The following RGS17 variants were observed in gnomAD, a reference collection of about 807,000 sequenced individuals.
RGS17 encodes regulator of G protein signaling 17.
A neutral mutation model predicts 25.5 loss-of-function variants in RGS17; 12 were observed. That is an observed-to-expected ratio of 0.47 (90% confidence interval 0.30 to 0.76). The LOEUF is 0.76. Ranked by LOEUF, RGS17 falls within the 30% of genes least tolerant of loss-of-function variation. RGS17 has a pLI of 0.07. For synonymous variants in RGS17, 71 were observed against 76.9 expected (o/e 0.92, Z 0.40); for missense variants, 196 against 242.2 (o/e 0.81, Z 1.27).
chr6:153,067,851 C>A (rs1776732033), intron 1 of RGS17, among the ~76,000 whole-genome samples: 1 of 152,126 alleles, frequency 6.6e-6, no homozygotes, highest in Admixed American at 6.6e-5. Flanking sequence ...AGAATTGCCA[C>A]AGCTACCCTG....
chr6:153,023,574 T>C (rs1426643382), intron 4 of RGS17, among the ~76,000 whole-genome samples: 2 of 152,222 alleles, frequency 1.3e-5, no homozygotes, highest in Non-Finnish European at 2.9e-5. Flanking sequence ...GCTAGAAGTA[T>C]TGCTTATTGA....
At chr6:153,094,115 G>A (rs144007037) in intron 1 of RGS17, among the ~76,000 whole-genome samples, 9 of 148,956 alleles carry the variant, frequency 6.0e-5, no homozygotes, top group East Asian at 2.0e-4. Context: ...TCATTCTGTC[G>A]CCCAGGCTGG....
chr6:153,040,187 G>A (rs1363617162), intron 2 of RGS17, among the ~76,000 whole-genome samples: 2 of 152,164 alleles, frequency 1.3e-5, no homozygotes, highest in African/African-American at 4.8e-5. Flanking sequence ...CTGACGTGGG[G>A]GGAGAAAGTG....
chr6:153,127,909 G>A lies in RGS17; in HGVS notation c.-26+3215C>T, dbSNP rs559001982. On this transcript the variant is annotated intron_variant, in intron 1 of 4. Transcript: ENST00000206262. ...CGACCCTGCAAAATTTATTAATTTA[G>A]GAAAAATTATTTTACACCTGCCTTT... Among the ~76,000 whole-genome samples the A allele has an allele frequency of 3.3e-5, 5 of 152,262 alleles. No homozygotes were observed. In the East Asian group the frequency reaches 9.7e-4, roughly 29 times the overall value.
intron 2 of RGS17, among the ~76,000 whole-genome samples, chr6:153,029,219 T>C (rs552565886): frequency 1.2e-4 from 19 of 152,358 alleles, no homozygotes; most frequent in Non-Finnish European, 1.9e-4. Context: ...TCTTGCCCTG[T>C]AGAAATTGAA....
chr6:153,114,664 G>A (rs149780286), intron 1 of RGS17, among the ~76,000 whole-genome samples: 1,788 of 152,158 alleles, frequency 0.012, 31 homozygotes, highest in African/African-American at 0.039. Flanking sequence ...GATGAACATC[G>A]ACGCGAAAAT....
intron 1 of RGS17, among the ~76,000 whole-genome samples, chr6:153,127,894 A>G (rs760152723): frequency 6.6e-6 from 1 of 152,200 alleles, no homozygotes; most frequent in African/African-American, 2.4e-5. Flanking sequence ...CGACCCTGCA[A>G]AATTTATTAA....
intron 1 of RGS17, among the ~76,000 whole-genome samples, chr6:153,102,128 C>A (rs1375411096): frequency 6.6e-6 from 1 of 152,154 alleles, no homozygotes; most frequent in Non-Finnish European, 1.5e-5. Flanking sequence ...AAATGATAAG[C>A]CTTATCACTT....
At position 153,111,044 on chromosome 6, in the gene RGS17, G is replaced by GT. The variant is rs879306263; in HGVS notation, c.-26+20079dup. On this transcript the variant is annotated intron_variant, in intron 1 of 4. Coordinates refer to ENST00000206262, the MANE Select transcript of RGS17 (RefSeq NM_012419.5). Reference sequence around the variant, plus strand: ...CAGACACCAAGCTAGCTGCAGGAGTGTTTTTTTTTTTCATACCCCAGCAGT... The same window carrying GT: ...CAGACACCAAGCTAGCTGCAGGAGTGTTTTTTTTTTTTCATACCCCAGCAGT... Among the ~76,000 whole-genome samples, 563 of 147,378 alleles carry GT rather than the reference G, an allele frequency of 3.8e-3. 1 individual carries two copies. The highest frequency in any genetic ancestry group is 9.0e-3 in the East Asian group (45 of 5,008).
At chr6:153,025,495 C>T (rs976592884) in intron 3 of RGS17, among the ~76,000 whole-genome samples, 1 of 151,454 alleles carries the variant, frequency 6.6e-6, no homozygotes, top group Non-Finnish European at 1.5e-5. Flanking sequence ...AATCCACTTG[C>T]TTATACATTA....
chr6:153,088,048 T>A (rs1777075840), intron 1 of RGS17, among the ~76,000 whole-genome samples: 1 of 144,318 alleles, frequency 6.9e-6, no homozygotes, highest in African/African-American at 2.4e-5. Flanking sequence ...CCTCACTTTG[T>A]CATTTCATGC....
At chr6:153,123,556 G>C (rs911498824) in intron 1 of RGS17, among the ~76,000 whole-genome samples, 4 of 152,038 alleles carry the variant, frequency 2.6e-5, no homozygotes, top group African/African-American at 9.7e-5. Flanking sequence ...TTTAGAAATT[G>C]CCCTAGTGAT....
Position 153,085,501 on chromosome 6 carries a change from G to C in RGS17, c.-25-41458C>G, listed in dbSNP as rs570853239. Among the ~76,000 whole-genome samples the C allele has an allele frequency of 3.0e-4, 45 of 152,318 alleles. No homozygotes were observed. In the South Asian group the frequency reaches 8.9e-3, roughly 30 times the overall value. ...CAGCTCAGTACTGCTCAAAGTTCCA[G>C]TCTGTAAAATGTTTATTACCGGTTC... is the stretch of plus-strand genomic sequence containing the variant. On this transcript the variant is annotated intron_variant, in intron 1 of 4. Transcript: ENST00000206262.
At chr6:153,030,124 G>A (rs1177068153) in intron 2 of RGS17, among the ~76,000 whole-genome samples, 1 of 152,120 alleles carries the variant, frequency 6.6e-6, no homozygotes, top group African/African-American at 2.4e-5. Flanking sequence ...TCTAAATAGT[G>A]ACTTTGAAAA....
chr6:153,087,057 C>T (rs192321314), intron 1 of RGS17, among the ~76,000 whole-genome samples: 72 of 147,434 alleles, frequency 4.9e-4, no homozygotes, highest in Admixed American at 1.5e-3. Flanking sequence ...CTGAGGCGGG[C>T]AGATCACCTA....
chr6:153,041,081 C>A (rs1430647966), intron 2 of RGS17, among the ~76,000 whole-genome samples: 1 of 151,848 alleles, frequency 6.6e-6, no homozygotes, highest in African/African-American at 2.4e-5. Flanking sequence ...GGGAGGATCA[C>A]TTGAGCCCAG....
intron 1 of RGS17, among the ~76,000 whole-genome samples, chr6:153,058,631 A>G (rs745313932): frequency 6.6e-6 from 1 of 152,234 alleles, no homozygotes; most frequent in Non-Finnish European, 1.5e-5. Flanking sequence ...CAAATTTGTG[A>G]AGCCCACTTC....
At chr6:153,053,048 T>TA (rs1776484654) in intron 1 of RGS17, among the ~76,000 whole-genome samples, 1 of 152,174 alleles carries the variant, frequency 6.6e-6, no homozygotes, top group South Asian at 2.1e-4. Flanking sequence ...TTCAGAGAAA[T>TA]ACTGTGAGAA....
chr6:153,065,136 A>G (rs1284173954), intron 1 of RGS17, among the ~76,000 whole-genome samples: 1 of 152,170 alleles, frequency 6.6e-6, no homozygotes, highest in Non-Finnish European at 1.5e-5. Context: ...AAATCAAAAA[A>G]GAGCAGGAGT....
Sources: allele counts gnomAD v4.1 joint callset (sites outside exome capture counted in the v4.1 genomes callset), GRCh38; gene constraint gnomAD v4.1.1; transcripts MANE v1.5; gene names NCBI Gene and HGNC (gene_info 2026-07-23, HGNC 2026-07-21).